Variants in ULK4 observed in about 807,000 individuals in gnomAD.
The protein encoded by ULK4 is inactive serine/threonine-protein kinase ULK4.
In ULK4, 133 loss-of-function variants were observed where a neutral mutation model predicts 160.6. The ratio of observed to expected loss-of-function variants is 0.83; its 90% confidence interval spans 0.72 to 0.96. The LOEUF (loss-of-function observed/expected upper bound fraction) is 0.96. ULK4 is among the 40% of genes least tolerant of loss of function. The pLI is 0.00. For missense variants in ULK4, 1,580 were observed against 1,499.5 expected (o/e 1.05, Z -0.89); for synonymous variants, 534 against 539.8 (o/e 0.99, Z 0.15).
intron 32 of ULK4, among the ~76,000 whole-genome samples, chr3:41,492,094 G>C (rs1320804234): frequency 2.0e-5 from 3 of 151,068 alleles, no homozygotes; most frequent in African/African-American, 2.4e-5. Flanking sequence ...GTATTCCATG[G>C]TGTATATGTG....
At chr3:41,306,629 A>AC (rs1176780917) in intron 35 of ULK4, among the ~76,000 whole-genome samples, 1 of 151,190 alleles carries the variant, frequency 6.6e-6, no homozygotes, top group Non-Finnish European at 1.5e-5. Context: ...CCCGGCCACC[A>AC]CCCCGTCTGG....
chr3:41,954,299 A>G (rs6805140), intron 2 of ULK4, among the ~76,000 whole-genome samples: 20,915 of 151,600 alleles, frequency 0.14, 1,571 homozygotes, highest in Middle Eastern at 0.27. Flanking sequence ...AGTTGAGGCT[A>G]TAGTGAGCCC....
intron 27 of ULK4, among the ~76,000 whole-genome samples, chr3:41,699,006 A>G (rs2036586861): frequency 6.6e-6 from 1 of 152,210 alleles, no homozygotes; most frequent in Non-Finnish European, 1.5e-5. Context: ...CCATCATTTG[A>G]CTATATCATA....
At chr3:41,413,020 T>C (rs2082440908) in intron 34 of ULK4, among the ~76,000 whole-genome samples, 1 of 152,160 alleles carries the variant, frequency 6.6e-6, no homozygotes. Flanking sequence ...GGGTAATTTA[T>C]AAGGAAAAAG....
At chr3:41,414,743 G>C (rs1202593723) in intron 34 of ULK4, among the ~76,000 whole-genome samples, 1 of 152,166 alleles carries the variant, frequency 6.6e-6, no homozygotes, top group African/African-American at 2.4e-5. Flanking sequence ...CAGCTGAAGA[G>C]GCAGCAGAAA....
intron 34 of ULK4, among the ~76,000 whole-genome samples, chr3:41,400,997 T>C (rs1037846501): frequency 6.6e-6 from 1 of 152,214 alleles, no homozygotes; most frequent in African/African-American, 2.4e-5. Context: ...TGTTTGATTC[T>C]TTATTCTTGA....
chr3:41,300,964 G>T (rs1250382588), intron 35 of ULK4, among the ~76,000 whole-genome samples: 1 of 147,832 alleles, frequency 6.8e-6, no homozygotes, highest in South Asian at 2.2e-4. Flanking sequence ...TGAGCAGGAG[G>T]GTCATAAAAG....
At chr3:41,524,406 T>A (rs1006856093) in intron 32 of ULK4, among the ~76,000 whole-genome samples, 3 of 152,218 alleles carry the variant, frequency 2.0e-5, no homozygotes, top group African/African-American at 7.2e-5. Context: ...CTCCTTTGAA[T>A]GGACTTTCAA....
At chr3:41,813,299 TTAAAAAATAA>T (rs1559572840) in intron 19 of ULK4, among the ~76,000 whole-genome samples, 2 of 152,064 alleles carry the variant, frequency 1.3e-5, no homozygotes, top group African/African-American at 4.8e-5. Flanking sequence ...AACTTAAAAT[TTAAAAAATAA>T]TAAAAAATAA....
At chr3:41,772,110 G>A (rs976325486) in intron 21 of ULK4, among the ~76,000 whole-genome samples, 2 of 152,078 alleles carry the variant, frequency 1.3e-5, no homozygotes, top group Non-Finnish European at 2.9e-5. Context: ...ATGCCCACAA[G>A]AGAAAACAGG....
At chr3:41,862,684 G>A (rs1487442251) in intron 17 of ULK4, among the ~76,000 whole-genome samples, 3 of 151,936 alleles carry the variant, frequency 2.0e-5, no homozygotes, top group African/African-American at 7.3e-5. Flanking sequence ...GATGAGATCT[G>A]GAAGAATTCT....
intron 35 of ULK4, among the ~76,000 whole-genome samples, chr3:41,369,230 GC>G (rs2081313668): frequency 6.6e-6 from 1 of 152,126 alleles, no homozygotes; most frequent in Non-Finnish European, 1.5e-5. Flanking sequence ...CTGCATGGTG[GC>G]CCCTGCCTGT....
chr3:41,555,484 C>T (rs772507302), intron 32 of ULK4, among the ~76,000 whole-genome samples: 2 of 152,104 alleles, frequency 1.3e-5, no homozygotes, highest in African/African-American at 4.8e-5. Context: ...CCATCTAACA[C>T]CAGTCAGAAT....
At position 41,935,790 on chromosome 3, in the gene ULK4, T is replaced by C. The variant is rs761305188; in HGVS notation, c.378+11A>G. The C allele has an allele frequency of 3.1e-6, 5 of 1,594,760 alleles. No individual in the cohort carries two copies. The South Asian group carries it at 4.6e-5, about 15-fold the overall frequency. On this transcript the variant is annotated intron_variant, in intron 4 of 36. Coordinates refer to ENST00000301831, the MANE Select transcript of ULK4 (RefSeq NM_017886.4). ...GAAGCAGTTAGAAAATCAAAAACTT[T>C]CATGAATTACCTTCCTAGGAGAAAT...
At chr3:41,663,270 A>G (rs976763269) in intron 30 of ULK4, among the ~76,000 whole-genome samples, 1 of 152,138 alleles carries the variant, frequency 6.6e-6, no homozygotes, top group Non-Finnish European at 1.5e-5. Flanking sequence ...AGCAAATAAC[A>G]GTTGATAAAT....
At chr3:41,863,339 G>A (rs1383319610) in intron 17 of ULK4, among the ~76,000 whole-genome samples, 3 of 152,158 alleles carry the variant, frequency 2.0e-5, no homozygotes, top group African/African-American at 4.8e-5. Context: ...TCACCCTTCA[G>A]GACAGTGGGC....
chr3:41,417,266 A>T (rs779827155), intron 34 of ULK4, among the ~76,000 whole-genome samples: 4 of 152,196 alleles, frequency 2.6e-5, no homozygotes, highest in Non-Finnish European at 4.4e-5. Flanking sequence ...CTGAGCTAAG[A>T]TAAGGATGTT....
chr3:41,349,640 G>T (rs2080871028), intron 35 of ULK4, among the ~76,000 whole-genome samples: 1 of 152,124 alleles, frequency 6.6e-6, no homozygotes, highest in Non-Finnish European at 1.5e-5. Flanking sequence ...CCCTCCTGTA[G>T]AACTGAACTC....
intron 34 of ULK4, among the ~76,000 whole-genome samples, chr3:41,426,840 C>T (rs1178597170): frequency 3.9e-5 from 6 of 152,096 alleles, no homozygotes; most frequent in Non-Finnish European, 8.8e-5. Flanking sequence ...AATACCCTAA[C>T]ATCACAACTA....
Sources: allele counts gnomAD v4.1 joint callset (sites outside exome capture counted in the v4.1 genomes callset), GRCh38; gene constraint gnomAD v4.1.1; transcripts MANE v1.5; gene names NCBI Gene and HGNC (gene_info 2026-07-23, HGNC 2026-07-21).